DYNLL1: variants seen among roughly 807,000 people sequenced by gnomAD.
DYNLL1 encodes the protein dynein light chain LC8-type 1, also known as dynein light chain 1, cytoplasmic.
DYNLL1 carries 3 observed loss-of-function variants against 10.1 expected under a neutral mutation model. The ratio of observed to expected loss-of-function variants is 0.30; its 90% confidence interval spans 0.14 to 0.77. The LOEUF is 0.77. Ranked by LOEUF, DYNLL1 falls within the 30% of genes least tolerant of loss-of-function variation. The pLI is 0.66. For missense variants in DYNLL1, 47 were observed against 111.7 expected, an observed-to-expected ratio of 0.42 and a Z score of 2.61; for synonymous variants, 46 against 41.2, an observed-to-expected ratio of 1.12 and a Z score of -0.45.
chr12:120,474,954 TAAAG>T (rs1159289612), intron 1 of DYNLL1, among the ~76,000 whole-genome samples: 3 of 152,118 alleles, frequency 2.0e-5, no homozygotes, highest in African/African-American at 4.8e-5. Flanking sequence ...AGCTACATAA[TAAAG>T]AACTGAGCCA....
chr12:120,495,874 G>C (rs776422633), upstream of DYNLL1: 17 of 162,582 alleles, frequency 1.0e-4, no homozygotes, highest in Non-Finnish European at 2.0e-4. Flanking sequence ...TCCACCTTCT[G>C]GGTGTGTGGG....
At chr12:120,480,127 T>C (rs968942735) in intron 1 of DYNLL1, among the ~76,000 whole-genome samples, 1 of 151,852 alleles carries the variant, frequency 6.6e-6, no homozygotes, top group African/African-American at 2.4e-5. Flanking sequence ...CATCCCTCCT[T>C]GTGTGAGGAA....
chr12:120,469,894 C>G (rs998067481), exon 1 of DYNLL1: 1 of 226,456 alleles, frequency 4.4e-6, no homozygotes, highest in Non-Finnish European at 8.6e-6. Flanking sequence ...ATGCCATCCC[C>G]GAGCGCGGTT....
At chr12:120,477,758 G>A (rs1249329403) in intron 1 of DYNLL1, among the ~76,000 whole-genome samples, 4 of 151,950 alleles carry the variant, frequency 2.6e-5, no homozygotes, top group African/African-American at 7.2e-5. Context: ...CTGGGTGACA[G>A]AGCAAGACCC....
intron 1 of DYNLL1, among the ~76,000 whole-genome samples, chr12:120,484,586 A>T (rs1421818740): frequency 6.6e-6 from 1 of 152,194 alleles, no homozygotes; most frequent in Non-Finnish European, 1.5e-5. Flanking sequence ...ACTTTTATAC[A>T]ATGAGTACCT....
At chr12:120,497,024 C>T (rs1413513025) in intron 2 of DYNLL1, 2 of 239,626 alleles carry the variant, frequency 8.3e-6, no homozygotes, top group Non-Finnish European at 8.1e-6. Flanking sequence ...GCCGGCAGGA[C>T]TGCCAACTTC....
At chr12:120,494,556 A>G (rs1365750623), upstream of DYNLL1, among the ~76,000 whole-genome samples, 2 of 151,992 alleles carry the variant, frequency 1.3e-5, no homozygotes, top group African/African-American at 4.8e-5. Flanking sequence ...GATTATAGGC[A>G]TGAGCCACCG....
At chr12:120,479,695 A>C (rs571919415) in intron 1 of DYNLL1, among the ~76,000 whole-genome samples, 5 of 152,202 alleles carry the variant, frequency 3.3e-5, no homozygotes, top group South Asian at 2.1e-4. Flanking sequence ...AGACAGAAAG[A>C]AAGCACTGCA....
At chr12:120,479,514 A>C (rs1391089552) in intron 1 of DYNLL1, among the ~76,000 whole-genome samples, 1 of 151,542 alleles carries the variant, frequency 6.6e-6, no homozygotes, top group East Asian at 1.9e-4. Context: ...AGGCAATTAT[A>C]ACAAAATGAG....
At chr12:120,493,042 G>A (rs748767408), upstream of DYNLL1, among the ~76,000 whole-genome samples, 5 of 152,044 alleles carry the variant, frequency 3.3e-5, no homozygotes, top group East Asian at 1.9e-4. Flanking sequence ...CAATCCGGTC[G>A]TGGACCCCAT....
chr12:120,471,660 C>T (rs578192596), intron 1 of DYNLL1, among the ~76,000 whole-genome samples: 1 of 152,072 alleles, frequency 6.6e-6, no homozygotes, highest in Non-Finnish European at 1.5e-5. Context: ...ACCCAGGCTG[C>T]AGTGCAGTGG....
At chr12:120,482,204 CA>C (rs1456900165) in intron 1 of DYNLL1, among the ~76,000 whole-genome samples, 1 of 152,162 alleles carries the variant, frequency 6.6e-6, no homozygotes, top group Non-Finnish European at 1.5e-5. Flanking sequence ...GGAGCTGAGA[CA>C]GGAAGATCGC....
chr12:120,489,014 T>C (rs1879060501), intron 1 of DYNLL1, among the ~76,000 whole-genome samples: 1 of 152,092 alleles, frequency 6.6e-6, no homozygotes, highest in African/African-American at 2.4e-5. Context: ...GCAGGAAAAT[T>C]AAGTAAGTAA....
At chr12:120,479,468 AAAT>A (rs758249930) in intron 1 of DYNLL1, among the ~76,000 whole-genome samples, 9,045 of 107,710 alleles carry the variant, frequency 0.084, 507 homozygotes, top group South Asian at 0.096. Context: ...AAAAAAAAAA[AAAT>A]AATAATAATA....
At chr12:120,485,360 A>T (rs567163641) in intron 1 of DYNLL1, among the ~76,000 whole-genome samples, 2 of 142,384 alleles carry the variant, frequency 1.4e-5, no homozygotes, top group South Asian at 4.3e-4. Flanking sequence ...AGGTTCAAGC[A>T]ATTCTCTGCC....
intron 1 of DYNLL1, among the ~76,000 whole-genome samples, chr12:120,477,372 G>A (rs937918787): frequency 1.3e-5 from 2 of 151,984 alleles, no homozygotes; most frequent in Non-Finnish European, 2.9e-5. Context: ...CACATTTATC[G>A]AGCCATAGAA....
chr12:120,487,134 C>T (rs1425083739), intron 1 of DYNLL1, among the ~76,000 whole-genome samples: 1 of 151,562 alleles, frequency 6.6e-6, no homozygotes, highest in East Asian at 1.9e-4. Context: ...GCCACCACAC[C>T]CGGCTAATTT....
At chr12:120,472,067 G>T (rs1258345105) in intron 1 of DYNLL1, among the ~76,000 whole-genome samples, 2 of 152,100 alleles carry the variant, frequency 1.3e-5, no homozygotes, top group Non-Finnish European at 2.9e-5. Flanking sequence ...CAATTATTAA[G>T]TCATGTTTTT....
At chr12:120,494,785 G>C (rs775042798), upstream of DYNLL1, among the ~76,000 whole-genome samples, 1 of 152,152 alleles carries the variant, frequency 6.6e-6, no homozygotes, top group Non-Finnish European at 1.5e-5. Flanking sequence ...AATGAGAGTA[G>C]ATGGTCAGAG....
Sources: allele counts gnomAD v4.1 joint callset (sites outside exome capture counted in the v4.1 genomes callset), GRCh38; gene constraint gnomAD v4.1.1; transcripts MANE v1.5; gene names NCBI Gene and HGNC (gene_info 2026-07-23, HGNC 2026-07-21).